EML6: variants seen among roughly 807,000 people sequenced by gnomAD.
EML6 encodes echinoderm microtubule-associated protein-like 6.
Under a neutral mutation model 240.1 loss-of-function variants are expected in EML6, and 154 were observed. That is an observed-to-expected ratio of 0.64 (90% CI 0.56 to 0.73). The LOEUF is 0.73. Ranked by LOEUF, EML6 falls within the 30% of genes least tolerant of loss-of-function variation. The pLI, the probability that EML6 is intolerant of heterozygous loss-of-function variation, is 0.00. For missense variants in EML6, 2,964 were observed against 2,474.6 expected (o/e 1.20, Z -4.20); for synonymous variants, 1,148 against 899.0 (o/e 1.28, Z -4.95).
intron 2 of EML6, among the ~76,000 whole-genome samples, chr2:54,732,856 T>C (rs1427703602): frequency 6.6e-6 from 1 of 152,220 alleles, no homozygotes; most frequent in African/African-American, 2.4e-5. Context: ...AGTCTATACA[T>C]TGGATTTGTT....
intron 5 of EML6, 99 bp from the exon 6 acceptor site, chr2:54,827,467 A>G (rs1402418847): frequency 2.0e-6 from 2 of 987,100 alleles, no homozygotes; most frequent in Non-Finnish European, 3.0e-6. Flanking sequence ...TAGCTTGGAT[A>G]GAGCACATTA....
intron 17 of EML6, among the ~76,000 whole-genome samples, chr2:54,889,564 C>A (rs936831859): frequency 6.6e-6 from 1 of 150,638 alleles, no homozygotes; most frequent in African/African-American, 2.4e-5. Flanking sequence ...TAAATAGAGT[C>A]CTCTCCTCCA....
intron 7 of EML6, among the ~76,000 whole-genome samples, chr2:54,835,568 C>T (rs1486757666): frequency 1.3e-5 from 2 of 152,130 alleles, no homozygotes; most frequent in African/African-American, 4.8e-5. Flanking sequence ...GTTCTCCTGC[C>T]CCAGAGCAGA....
At chr2:54,889,015 C>A (rs1337032499) in intron 17 of EML6, among the ~76,000 whole-genome samples, 1 of 152,208 alleles carries the variant, frequency 6.6e-6, no homozygotes, top group African/African-American at 2.4e-5. Context: ...CACAGACTAG[C>A]CAGCATTTGG....
rs1426071256 is a variant in EML6 at position 54,866,762 on chromosome 2, T to C, written c.1933-4T>C. The C allele has an allele frequency of 1.9e-5, 29 of 1,535,036 alleles. No homozygotes were observed. The highest frequency in any genetic ancestry group is 2.5e-5 in the Non-Finnish European group (28 of 1,132,254). ...TCACCCAGATGTTTCTGTTGTACTT[T>C]AAGGTTTACAAAGAAGATCTACCTC... On this transcript the variant is annotated splice_region_variant and splice_polypyrimidine_tract_variant and intron_variant, in intron 13 of 41. Coordinates refer to ENST00000356458, the MANE Select transcript of EML6 (RefSeq NM_001039753.4).
intron 35 of EML6, 70 bp from the exon 36 acceptor site, chr2:54,962,453 T>C (rs1676562924): frequency 3.3e-6 from 4 of 1,215,450 alleles, no homozygotes; most frequent in Non-Finnish European, 4.5e-6. Context: ...ATTTGTCTAC[T>C]CTAGATACCT....
intron 8 of EML6, 137 bp downstream of exon 8, chr2:54,844,385 C>A: frequency 1.5e-6 from 1 of 684,162 alleles, no homozygotes; most frequent in Non-Finnish European, 2.4e-6. Context: ...TTTAGCTCAT[C>A]AAGTGGGTTT....
At chr2:54,855,101 G>A (rs559567872) in intron 11 of EML6, among the ~76,000 whole-genome samples, 1 of 152,176 alleles carries the variant, frequency 6.6e-6, no homozygotes, top group Non-Finnish European at 1.5e-5. Flanking sequence ...AGAAAAGAAA[G>A]CATGTGTTAG....
chr2:54,776,743 C>T (rs1054955321), intron 2 of EML6, among the ~76,000 whole-genome samples: 2 of 152,132 alleles, frequency 1.3e-5, no homozygotes, highest in Non-Finnish European at 2.9e-5. Context: ...ACCCCACCCC[C>T]ACGTCCTGTT....
At position 54,928,494 on chromosome 2, in the gene EML6, C is replaced by T; in HGVS notation, c.3857C>T (p.Thr1286Ile). The stretch of plus-strand genomic sequence containing the variant: ...CTGGTGGACAGCGAGGAGTCAGACA[C>T]CGACGTGGAAGAGGATGGAGGTGAG... ...SKLVDSEESDTDVEEDGGYDS... is the reference protein window; with the variant it reads ...SKLVDSEESDIDVEEDGGYDS... The change falls in exon 27 of 42, where the codon ACC becomes ATC. Residue 1286 changes from threonine (T) to isoleucine (I), a missense_variant. Coordinates refer to ENST00000356458, the MANE Select transcript of EML6 (RefSeq NM_001039753.4). The T allele has an allele frequency of 1.3e-6, 2 of 1,546,060 alleles. No homozygotes were observed. Among genetic ancestry groups the T allele is most frequent in the Non-Finnish European group, 1.7e-6 (2 of 1,143,410 alleles).
At chr2:54,944,639 AAAC>A (rs1675589352) in intron 28 of EML6, among the ~76,000 whole-genome samples, 1 of 152,100 alleles carries the variant, frequency 6.6e-6, no homozygotes, top group Non-Finnish European at 1.5e-5. Flanking sequence ...CCATTTTTTA[AAAC>A]AACAACAAAA....
intron 2 of EML6, among the ~76,000 whole-genome samples, chr2:54,800,263 G>A (rs977230487): frequency 2.6e-5 from 4 of 152,076 alleles, no homozygotes; most frequent in Non-Finnish European, 5.9e-5. Context: ...GTTTGCTCTG[G>A]AGGAGTTGGA....
intron 16 of EML6, among the ~76,000 whole-genome samples, chr2:54,876,960 C>G (rs1367433999): frequency 2.0e-5 from 3 of 151,694 alleles, no homozygotes; most frequent in South Asian, 4.2e-4. Context: ...TTTGTACTCA[C>G]TCTTGACTCA....
chr2:54,786,003 G>A (rs548377614), intron 2 of EML6, among the ~76,000 whole-genome samples: 75 of 152,098 alleles, frequency 4.9e-4, no homozygotes, highest in Non-Finnish European at 7.8e-4. Flanking sequence ...AGGAGGAAGT[G>A]GAGTGGCTAC....
chr2:54,911,164 C>G, intron 25 of EML6, 122 bp downstream of exon 25: 1 of 551,064 alleles, frequency 1.8e-6, no homozygotes, highest in Non-Finnish European at 3.3e-6. Flanking sequence ...TAAGTTTGAT[C>G]GTGTCTTCAA....
intron 2 of EML6, among the ~76,000 whole-genome samples, chr2:54,733,083 G>A (rs905783115): frequency 2.6e-5 from 4 of 152,180 alleles, no homozygotes; most frequent in African/African-American, 9.7e-5. Context: ...GAATTTGAAG[G>A]ATTCTGGGAT....
chr2:54,770,360 C>T (rs921697131), intron 2 of EML6, among the ~76,000 whole-genome samples: 7 of 152,310 alleles, frequency 4.6e-5, no homozygotes, highest in Middle Eastern at 3.4e-3. Flanking sequence ...ACACTTGGGA[C>T]CACTTGCTTT....
intron 2 of EML6, among the ~76,000 whole-genome samples, chr2:54,729,731 AT>A (rs1217225977): frequency 6.6e-6 from 1 of 152,178 alleles, no homozygotes; most frequent in Non-Finnish European, 1.5e-5. Context: ...AAGGTAGTAG[AT>A]TGTTGCTCTT....
rs570978349 is a variant in EML6 at position 54,970,384 on chromosome 2, C to G, written c.*289C>G. On this transcript the variant is annotated 3_prime_UTR_variant, in exon 42 of 42. Transcript: ENST00000356458. ...AACTACATTGACAAAGAAATCCTAT[C>G]TGATAATGTAGCCCGCTGACGAATT... 1 of 388,250 alleles carries G rather than the reference C, an allele frequency of 2.6e-6. No homozygotes were observed. The highest frequency in any genetic ancestry group is 2.0e-5 in the African/African-American group (1 of 50,580). The allele number at this position is 388,250 out of a possible 1,614,324, so 24.1% of individuals were successfully genotyped here.
Sources: gnomAD v4.1 joint callset for allele counts (sites outside exome capture counted in the v4.1 genomes callset) on GRCh38, gnomAD v4.1.1 for gene constraint, MANE v1.5 for transcripts, NCBI Gene and HGNC (gene_info 2026-07-23, HGNC 2026-07-21) for gene names.